The following DDX41 variants were observed in gnomAD, a reference collection of about 807,000 sequenced individuals.
DDX41 encodes probable ATP-dependent RNA helicase DDX41.
A neutral mutation model predicts 78.8 loss-of-function variants in DDX41; 50 were observed. The observed-to-expected ratio is 0.63, with a 90% CI of 0.51 to 0.80. The LOEUF is 0.80. DDX41 is among the 30% of genes least tolerant of loss of function. DDX41 has a pLI of 0.00. For synonymous variants in DDX41, 381 were observed against 321.5 expected (o/e 1.19, Z -1.98); for missense variants, 633 against 849.2 (o/e 0.75, Z 3.16).
In DDX41 at chr5:177,516,357, T is replaced by C. The variant is rs1359672157; in HGVS notation, c.229A>G (p.Ile77Val). The change falls in exon 3 of 17, where the codon ATC becomes GTC. Residue 77 changes from isoleucine (I) to valine (V), a missense_variant. Physicochemically the swap from Ile to Val is conservative, Grantham distance 29 (BLOSUM62 3). Coordinates refer to ENST00000330503, the MANE Select transcript of DDX41 (RefSeq NM_016222.4). Reference protein sequence around the residue: ...GSEPRGDEDDIPLGPQSNVSL... With the variant: ...GSEPRGDEDDVPLGPQSNVSL... The stretch of plus-strand genomic sequence containing the variant: ...ACGTTGGACTGAGGGCCTAGCGGGA[T>C]GTCGTCCTCATCTCCCCGGGGTTCA... 1.2e-6 allele frequency: 2 copies of C among 1,613,998 alleles called. No homozygotes were observed. Among genetic ancestry groups the C allele is most frequent in the African/African-American group, 1.3e-5 (1 of 74,946 alleles).
chr5:177,514,268 T>C lies in DDX41; in HGVS notation c.936-421A>G. 2.0e-6 allele frequency: 1 copy of C among 489,162 alleles called. No homozygotes were observed. The highest frequency in any genetic ancestry group is 4.0e-6 in the Non-Finnish European group (1 of 249,544). The allele number at this position is 489,162 out of a possible 1,614,324, so 30.3% of individuals were successfully genotyped here. A position where few individuals can be genotyped will look rare whatever the true frequency, so the allele number is the denominator to read the frequency against. On this transcript the variant is annotated intron_variant, in intron 9 of 16. Coordinates refer to ENST00000330503, the MANE Select transcript of DDX41 (RefSeq NM_016222.4). This position sits in a 1 kb window ranked among gnomAD's most constrained non-coding sequence, Gnocchi z 4.2. ...GGGCCTGGTCCAGGGCCTCTGGTGG[T>C]CTGCAGAGGACTGCACAGCACTGAA...
rs935367696 is a variant in DDX41 at position 177,511,611 on chromosome 5, G to A, written c.*180C>T. The stretch of plus-strand genomic sequence containing the variant: ...GGTTTGGGCTTTAATGGCAGCTGGG[G>A]TAAAAGGAAACAAAAACAGTAATTC... On this transcript the variant is annotated 3_prime_UTR_variant, in exon 17 of 17. Transcript: ENST00000330503. The A allele has an allele frequency of 2.4e-6, 2 of 847,522 alleles. No homozygotes were observed. Among genetic ancestry groups the A allele is most frequent in the African/African-American group, 1.7e-5 (1 of 58,528 alleles). The allele number at this position is 847,522 out of a possible 1,614,324, so 52.5% of individuals were successfully genotyped here. A position where few individuals can be genotyped will look rare whatever the true frequency, so the allele number is the denominator to read the frequency against.
In DDX41 at chr5:177,516,453, G is replaced by A; in HGVS notation, c.139-6C>T. 6.2e-7 allele frequency: 1 copy of A among 1,613,132 alleles called. No homozygotes were observed. The highest frequency in any genetic ancestry group is 8.5e-7 in the Non-Finnish European group (1 of 1,180,028). On this transcript the variant is annotated splice_polypyrimidine_tract_variant and splice_region_variant and intron_variant, in intron 2 of 16. Coordinates refer to ENST00000330503, the MANE Select transcript of DDX41 (RefSeq NM_016222.4). ...CGCTGCAGCAGCTTCTGGAGCTGAG[G>A]TTCCACCCGGGATCCACAGATAGGA... is the stretch of plus-strand genomic sequence containing the variant.
intron 16 of DDX41, 56 bp downstream of exon 16, chr5:177,512,039 AG>A (rs1231507205): frequency 7.5e-6 from 12 of 1,607,662 alleles, no homozygotes; most frequent in Admixed American, 3.3e-5. Flanking sequence ...TCTGACTTCC[AG>A]CACCCCTCCT....
intron 2 of DDX41, 105 bp downstream of exon 2, chr5:177,516,620 G>A: frequency 3.6e-6 from 5 of 1,393,240 alleles, no homozygotes; most frequent in Non-Finnish European, 4.9e-6. Context: ...GTGTACTGAA[G>A]CTCACTCCTC....
Position 177,515,830 on chromosome 5 carries a change from G to A in DDX41, c.435-9C>T, listed in dbSNP as rs1283553790. 2 of 1,614,146 alleles carry A rather than the reference G, an allele frequency of 1.2e-6. No individual in the cohort carries two copies. Among genetic ancestry groups the A allele is most frequent in the Admixed American group, 1.7e-5 (1 of 60,026 alleles). Reference sequence around the variant, plus strand: ...AACGGGGTGGAGTCCAGCTGTGGATGGGTAACAGGGATCAAGAGAGCCCTG... The same window carrying A: ...AACGGGGTGGAGTCCAGCTGTGGATAGGTAACAGGGATCAAGAGAGCCCTG... On this transcript the variant is annotated splice_polypyrimidine_tract_variant and intron_variant, in intron 5 of 16. Coordinates refer to ENST00000330503, the MANE Select transcript of DDX41 (RefSeq NM_016222.4).
At chr5:177,512,989 G>A (rs199904636) in intron 12 of DDX41, 22 bp downstream of exon 12, 65 of 1,613,076 alleles carry the variant, frequency 4.0e-5, no homozygotes, top group Middle Eastern at 1.7e-4. Flanking sequence ...CTCTGGCCCC[G>A]GCCTGGCCTG....
At chr5:177,515,135 C>A (rs759005362) in intron 7 of DDX41, 51 bp downstream of exon 7, 2 of 1,613,694 alleles carry the variant, frequency 1.2e-6, no homozygotes, top group South Asian at 2.2e-5. Flanking sequence ...GCCATTGCTC[C>A]TCCCTGTTCC....
At chr5:177,516,672 C>A in intron 2 of DDX41, 53 bp downstream of exon 2, 3 of 1,532,672 alleles carry the variant, frequency 2.0e-6, no homozygotes, top group Non-Finnish European at 1.8e-6. Flanking sequence ...CACGCCCGCC[C>A]CCTGCGACCC....
rs571753440 is a variant in DDX41 at position 177,515,000 on chromosome 5, G to A, written c.714C>T (p.Pro238=). 42 of 1,613,640 alleles carry A rather than the reference G, an allele frequency of 2.6e-5. No homozygotes were observed. The highest frequency in any genetic ancestry group is 3.3e-5 in the Non-Finnish European group (39 of 1,179,876). The change falls in exon 8 of 17, where the codon CCC becomes CCT. Residue 238 remains proline (P), a synonymous_variant. Transcript: ENST00000330503. This position sits in a 1 kb window ranked among gnomAD's most constrained non-coding sequence, Gnocchi z 4.2. The part of the protein sequence containing the change: ...GSGKTLVFTL[P]VIMFCLEQEK... ...CTTGTTCCAGGCAGAACATGATGACGGGCAACGTGAACACCAGTGTCTTGC... is the reference window on the plus strand; with the variant it reads ...CTTGTTCCAGGCAGAACATGATGACAGGCAACGTGAACACCAGTGTCTTGC...
At position 177,513,437 on chromosome 5, in the gene DDX41, A is replaced by G; in HGVS notation, c.1146T>C (p.Ile382=). 2 of 1,614,136 alleles carry G rather than the reference A, an allele frequency of 1.2e-6. No individual in the cohort carries two copies. The highest frequency in any genetic ancestry group is 1.7e-6 in the Non-Finnish European group (2 of 1,180,016). The part of the protein sequence containing the change: ...LLFSATMPKK[I]QNFAKSALVK... ...CAAGGGCACTCTTAGCAAAGTTCTG[A>G]ATCTTCTTCGGCATGGTGGCACTGA... The change falls in exon 11 of 17, where the codon ATT becomes ATC. Residue 382 remains isoleucine (I), a synonymous_variant. Transcript: ENST00000330503. The surrounding 1 kb of genome is among the most constrained non-coding windows in gnomAD (Gnocchi z 4.6).
Position 177,512,357 on chromosome 5 carries a change from G to A in DDX41, c.1586C>T (p.Thr529Ile), listed in dbSNP as rs749555218. 1 of 1,614,014 alleles carries A rather than the reference G, an allele frequency of 6.2e-7. No homozygotes were observed. Among genetic ancestry groups the A allele is most frequent in the South Asian group, 1.1e-5 (1 of 91,092 alleles). Reference protein sequence around the residue: ...RIGRTGRSGNTGIATTFINKA... With the variant: ...RIGRTGRSGNIGIATTFINKA... ...GTTGATGAAGGTAGTGGCGATGCCT[G>A]TGTTTCCCGAGCGCCCGGTGCGGCC... is the stretch of plus-strand genomic sequence containing the variant. The change falls in exon 15 of 17, where the codon ACA (threonine) becomes ATA (isoleucine). Residue 529 changes from threonine (T) to isoleucine (I), a missense_variant. By Grantham distance (89) the Thr-to-Ile change is moderately conservative. Around this residue, in one of 6 missense-constraint regions of DDX41, gnomAD observed 185 missense variants for 367.4 expected, o/e 0.50. Coordinates refer to ENST00000330503, the MANE Select transcript of DDX41 (RefSeq NM_016222.4).
chr5:177,512,758 C>G (rs1213077150), intron 13 of DDX41, 22 bp downstream of exon 13: 2 of 1,613,676 alleles, frequency 1.2e-6, no homozygotes, highest in Admixed American at 3.3e-5. Context: ...AGGGTCCAAG[C>G]CAGTGCTTGC....
intron 13 of DDX41, 28 bp downstream of exon 13, chr5:177,512,752 T>C (rs1436189322): frequency 3.1e-6 from 5 of 1,613,498 alleles, no homozygotes; most frequent in African/African-American, 2.7e-5. Context: ...TGCAGCAGGG[T>C]CCAAGCCAGT....
Position 177,512,126 on chromosome 5 carries a change from A to C in DDX41, c.1702T>G (p.Cys568Gly). The C allele has an allele frequency of 6.2e-7, 1 of 1,613,442 alleles. No individual in the cohort carries two copies. The highest frequency in any genetic ancestry group is 8.5e-7 in the Non-Finnish European group (1 of 1,180,016). Reference protein sequence around the residue: ...KVPPVLQVLHCGDESMLDIGG... With the variant: ...KVPPVLQVLHGGDESMLDIGG... Reference sequence around the variant, plus strand: ...ATGTCCAGCATGGACTCATCCCCGCAATGCAGCACCTGCAGCACGGGCGGC... The same window carrying C: ...ATGTCCAGCATGGACTCATCCCCGCCATGCAGCACCTGCAGCACGGGCGGC... Residue 568 changes from cysteine (C) to glycine (G), a missense_variant, in exon 16 of 17, where the codon TGC (cysteine) becomes GGC (glycine). Physicochemically the swap from Cys to Gly is radical, Grantham distance 159 (BLOSUM62 -3). This residue lies in a region of DDX41 where 185 missense variants were observed against 367.4 expected (regional missense o/e 0.50). Coordinates refer to ENST00000330503, the MANE Select transcript of DDX41 (RefSeq NM_016222.4).
At position 177,513,669 on chromosome 5, in the gene DDX41, CG is replaced by C; in HGVS notation, c.1098+15del. On this transcript the variant is annotated intron_variant, in intron 10 of 16. Coordinates refer to ENST00000330503, the MANE Select transcript of DDX41 (RefSeq NM_016222.4). The surrounding 1 kb of genome is among the most constrained non-coding windows in gnomAD (Gnocchi z 4.6). ...GGGGGGCGGTGCAGGGTGCCCTGGC[CG>C]GGCGGGGGCGGCACCTTGAAGTAGG... 3 of 1,612,548 alleles carry C rather than the reference CG, an allele frequency of 1.9e-6. No homozygotes were observed. Among genetic ancestry groups the C allele is most frequent in the Non-Finnish European group, 2.5e-6 (3 of 1,179,652 alleles).
chr5:177,514,621 T>C lies in DDX41; in HGVS notation c.935+80A>G. 2 of 1,520,270 alleles carry C rather than the reference T, an allele frequency of 1.3e-6. No individual in the cohort carries two copies. Among genetic ancestry groups the C allele is most frequent in the Non-Finnish European group, 1.8e-6 (2 of 1,131,294 alleles). 94.2% of individuals were successfully genotyped at this position (1,520,270 alleles called of 1,614,324 possible). A position where few individuals can be genotyped will look rare whatever the true frequency, so the allele number is the denominator to read the frequency against. ...CAGCCCTCTGTGAAGATCTGTGGAG[T>C]GGCTAAGGTAAAGGGTCCTTTAGCT... On this transcript the variant is annotated intron_variant, in intron 9 of 16. Coordinates refer to ENST00000330503, the MANE Select transcript of DDX41 (RefSeq NM_016222.4). This position sits in a 1 kb window ranked among gnomAD's most constrained non-coding sequence, Gnocchi z 4.2.
In DDX41 at chr5:177,513,321, T is replaced by C. The variant is rs766482396; in HGVS notation, c.1230+32A>G. ...ACTTGTCAGATCCAGCCCCCACAGGTGAGAGACCGCCCATCAGGAGCACCT... is the reference window on the plus strand; with the variant it reads ...ACTTGTCAGATCCAGCCCCCACAGGCGAGAGACCGCCCATCAGGAGCACCT... On this transcript the variant is annotated intron_variant, in intron 11 of 16. Transcript: ENST00000330503. The surrounding 1 kb of genome is among the most constrained non-coding windows in gnomAD (Gnocchi z 4.6). 2.0e-5 allele frequency: 32 copies of C among 1,613,378 alleles called. No homozygotes were observed. The highest frequency in any genetic ancestry group is 2.6e-5 in the Non-Finnish European group (31 of 1,179,884).
intron 5 of DDX41, 27 bp from the exon 6 acceptor site, chr5:177,515,848 G>C (rs771213773): frequency 6.2e-6 from 10 of 1,614,170 alleles, no homozygotes; most frequent in Middle Eastern, 1.6e-4. Flanking sequence ...GGGATCAAGA[G>C]AGCCCTGGGA....
Sources: gnomAD v4.1 joint callset for allele counts on GRCh38, gnomAD v4.1.1 for gene constraint, gnomAD v4.1.1 regional missense constraint, Gnocchi (gnomAD v3.1) non-coding constraint, MANE v1.5 for transcripts, NCBI Gene and HGNC (gene_info 2026-07-23, HGNC 2026-07-21) for gene names.